The following STPG2 variants were observed in gnomAD, a reference collection of about 807,000 sequenced individuals.
STPG2 encodes the protein sperm tail PG-rich repeat containing 2, also known as sperm-tail PG-rich repeat-containing protein 2.
STPG2 carries 56 observed loss-of-function variants against 54.2 expected under a neutral mutation model. The ratio of observed to expected loss-of-function variants is 1.03; its 90% confidence interval spans 0.83 to 1.29. STPG2 has a LOEUF of 1.29. Among genes scored for constraint, STPG2 ranks in the 50% most tolerant of loss-of-function variants. The pLI, the probability that STPG2 is intolerant of heterozygous loss-of-function variation, is 0.00. For synonymous variants in STPG2, 200 were observed against 181.8 expected, an observed-to-expected ratio of 1.10 and a Z score of -0.81; for missense variants, 596 against 544.9, an observed-to-expected ratio of 1.09 and a Z score of -0.93.
chr4:98,019,355 T>C (rs1236009054), intron 5 of STPG2, among the ~76,000 whole-genome samples: 4 of 152,142 alleles, frequency 2.6e-5, no homozygotes, highest in African/African-American at 9.7e-5. Context: ...CTGAGGGCTC[T>C]GTTCTGTTCC....
At chr4:97,712,849 T>C in intron 9 of STPG2, 35 bp from the exon 10 acceptor site, 2 of 1,434,766 alleles carry the variant, frequency 1.4e-6, no homozygotes, top group Admixed American at 2.0e-5. Context: ...TATGATAAAG[T>C]ATATTTTAAA....
chr4:98,104,320 C>T lies in STPG2; in HGVS notation c.612+1633G>A, dbSNP rs375214688. On this transcript the variant is annotated intron_variant, in intron 5 of 10. Coordinates refer to ENST00000295268, the MANE Select transcript of STPG2 (RefSeq NM_174952.3). The stretch of plus-strand genomic sequence containing the variant: ...TGAAAATTTAAATTAAAATTTTTTA[C>T]ACCTTAGGAACAAATATTTGCTATG... Among the ~76,000 whole-genome samples, 21 of 152,220 alleles carry T rather than the reference C, an allele frequency of 1.4e-4. 1 individual carries two copies. The South Asian group carries it at 3.9e-3, about 29-fold the overall frequency.
At chr4:97,679,040 G>A (rs1016793711) in intron 10 of STPG2, among the ~76,000 whole-genome samples, 10 of 152,220 alleles carry the variant, frequency 6.6e-5, no homozygotes, top group South Asian at 2.1e-4. Flanking sequence ...GGACATTTGG[G>A]TTGGTTCCAA....
At chr4:97,742,628 A>G (rs1229299965) in intron 9 of STPG2, among the ~76,000 whole-genome samples, 3 of 150,800 alleles carry the variant, frequency 2.0e-5, no homozygotes, top group African/African-American at 7.3e-5. Flanking sequence ...AACAACATGG[A>G]TGAAACTGAA....
intron 9 of STPG2, among the ~76,000 whole-genome samples, chr4:97,722,949 C>G (rs1305723375): frequency 1.3e-5 from 2 of 150,118 alleles, no homozygotes; most frequent in South Asian, 4.2e-4. Flanking sequence ...AGGTGCCCAC[C>G]ACCACACCCG....
intron 10 of STPG2, among the ~76,000 whole-genome samples, chr4:97,638,342 T>C (rs1721633278): frequency 6.6e-6 from 1 of 151,990 alleles, no homozygotes; most frequent in Non-Finnish European, 1.5e-5. Flanking sequence ...CAAAAATCAA[T>C]TCAAGATGGA....
At chr4:97,818,285 TC>T (rs1002870455) in intron 9 of STPG2, among the ~76,000 whole-genome samples, 3 of 151,956 alleles carry the variant, frequency 2.0e-5, no homozygotes, top group Admixed American at 2.0e-4. Flanking sequence ...ATGCCTGAAA[TC>T]AAGGATAGTA....
Position 97,855,343 on chromosome 4 carries a change from A to C in STPG2, c.1045-14411T>G, listed in dbSNP as rs369892759. On this transcript the variant is annotated intron_variant, in intron 8 of 10. Coordinates refer to ENST00000295268, the MANE Select transcript of STPG2 (RefSeq NM_174952.3). Reference sequence around the variant, plus strand: ...CTTTGAAGAATCGCCGCAGTCTTCCACAATAGTTGAACTAATTTATACTGC... The same window carrying C: ...CTTTGAAGAATCGCCGCAGTCTTCCCCAATAGTTGAACTAATTTATACTGC... 5.3e-5 allele frequency among the ~76,000 whole-genome samples: 8 copies of C among 152,198 alleles called. No homozygotes were observed. The South Asian group carries it at 1.0e-3, about 20-fold the overall frequency.
At chr4:97,640,045 A>G (rs1427837758) in intron 10 of STPG2, among the ~76,000 whole-genome samples, 2 of 152,078 alleles carry the variant, frequency 1.3e-5, no homozygotes, top group Non-Finnish European at 2.9e-5. Flanking sequence ...GTAAAAATAA[A>G]AAATGGTTAT....
intron 4 of STPG2, among the ~76,000 whole-genome samples, chr4:97,473,670 C>T (rs186825447): frequency 1.3e-5 from 2 of 152,244 alleles, no homozygotes; most frequent in East Asian, 1.9e-4. Flanking sequence ...CTCTGTGACC[C>T]ACACCCTATT....
At chr4:97,962,681 C>T (rs1733933987) in intron 7 of STPG2, among the ~76,000 whole-genome samples, 1 of 152,146 alleles carries the variant, frequency 6.6e-6, no homozygotes, top group Non-Finnish European at 1.5e-5. Context: ...TTTTGATTCA[C>T]TTAGTATTGC....
At chr4:98,009,435 T>C (rs1578776023) in intron 5 of STPG2, among the ~76,000 whole-genome samples, 1 of 152,208 alleles carries the variant, frequency 6.6e-6, no homozygotes, top group East Asian at 1.9e-4. Context: ...ATCATTATGA[T>C]TCAAAAAGAT....
Position 97,774,742 on chromosome 4 carries a change from T to C in STPG2, c.1205-61928A>G, listed in dbSNP as rs7683865. On this transcript the variant is annotated intron_variant, in intron 9 of 10. Coordinates refer to ENST00000295268, the MANE Select transcript of STPG2 (RefSeq NM_174952.3). ...ACACAAAATCAGCAGTATAGGATCA[T>C]AGTGTTGGCTCCACACTAGTGAAGA... Among the ~76,000 whole-genome samples, 201 of 152,322 alleles carry C rather than the reference T, an allele frequency of 1.3e-3. 1 individual carries two copies. The highest frequency in any genetic ancestry group is 4.7e-3 in the African/African-American group (194 of 41,586).
downstream of STPG2, chr4:97,558,756 C>T (rs1732143707): frequency 3.5e-6 from 1 of 285,180 alleles, no homozygotes; most frequent in Non-Finnish European, 6.5e-6. Context: ...TAAGCTGCAC[C>T]TAAATTCCCA....
chr4:97,835,574 C>A (rs146069887), intron 9 of STPG2, among the ~76,000 whole-genome samples: 2 of 152,072 alleles, frequency 1.3e-5, no homozygotes, highest in Non-Finnish European at 2.9e-5. Flanking sequence ...TATTTTCATG[C>A]CTGCTAATAC....
At chr4:98,045,219 A>G (rs1354597783) in intron 5 of STPG2, among the ~76,000 whole-genome samples, 2 of 123,328 alleles carry the variant, frequency 1.6e-5, no homozygotes, top group Non-Finnish European at 3.8e-5. Flanking sequence ...TGTCATGCTC[A>G]TCAGCTTATG....
At chr4:97,725,068 C>T (rs1296387883) in intron 9 of STPG2, among the ~76,000 whole-genome samples, 1 of 151,964 alleles carries the variant, frequency 6.6e-6, no homozygotes, top group Non-Finnish European at 1.5e-5. Flanking sequence ...GCCTATCTCC[C>T]CCTACTATGC....
intron 10 of STPG2, among the ~76,000 whole-genome samples, chr4:97,680,234 C>A (rs1166827186): frequency 6.6e-6 from 1 of 151,806 alleles, no homozygotes; most frequent in East Asian, 1.9e-4. Context: ...GCCATTTTTA[C>A]GATATTGATT....
At chr4:98,114,601 T>C (rs542144845) in intron 3 of STPG2, among the ~76,000 whole-genome samples, 1 of 152,148 alleles carries the variant, frequency 6.6e-6, no homozygotes, top group East Asian at 1.9e-4. Flanking sequence ...TTGAGCAGGA[T>C]TCTATTGAAG....
Sources: allele counts gnomAD v4.1 joint callset (sites outside exome capture counted in the v4.1 genomes callset), GRCh38; gene constraint gnomAD v4.1.1; transcripts MANE v1.5; gene names NCBI Gene and HGNC (gene_info 2026-07-23, HGNC 2026-07-21).